Variants in TDRD6 observed in about 807,000 individuals in gnomAD.
The protein encoded by TDRD6 is tudor domain-containing protein 6.
Under a neutral mutation model 157.5 loss-of-function variants are expected in TDRD6, and 186 were observed. That is an observed-to-expected ratio of 1.18 (90% CI 1.05 to 1.33). TDRD6 has a LOEUF of 1.33. TDRD6 is among the 40% of genes most tolerant of loss of function. The pLI is 0.00. For missense variants in TDRD6, 3,066 were observed against 2,508.0 expected (o/e 1.22, Z -4.75); for synonymous variants, 1,075 against 945.2 (o/e 1.14, Z -2.52).
rs142765925 is a variant in TDRD6 at position 46,689,536 on chromosome 6, G to A, written c.1408G>A (p.Asp470Asn). ...SQSQSPAEEV[D>N]EEISLPALRS... ...GTCTCAGTCTCCTGCTGAAGAAGTA[G>A]ATGAAGAGATTTCACTCCCAGCCTT... Residue 470 changes from aspartate (D) to asparagine (N), a missense_variant, in exon 1 of 4, where the codon GAT becomes AAT. Asp to Asn is a conservative substitution (Grantham distance 23). Transcript: ENST00000316081. The A allele has an allele frequency of 1.9e-3, 3,058 of 1,614,094 alleles. 91 individuals carry two copies. The East Asian group carries it at 0.052, about 28-fold the overall frequency.
the TDRD6 span, among the ~76,000 whole-genome samples, chr6:46,680,494 A>C: frequency 6.6e-6 from 1 of 152,146 alleles, no homozygotes; most frequent in Admixed American, 6.5e-5. Flanking sequence ...AGATGGGGAA[A>C]AATTATTCAG....
At position 46,692,211 on chromosome 6, in the gene TDRD6, T is replaced by C. The variant is rs1206224047; in HGVS notation, c.4083T>C (p.Ala1361=). The change falls in exon 1 of 4, where the codon GCT becomes GCC. Residue 1361 remains alanine (A), a synonymous_variant. Transcript: ENST00000316081. ...TGCAAAGAGGAGATATGATATGTGC[T>C]GTTTTCCCAGAAGATAATTTATGGT... ...PPLQRGDMIC[A]VFPEDNLWYR... The C allele has an allele frequency of 3.1e-6, 5 of 1,614,188 alleles. No individual in the cohort carries two copies. The highest frequency in any genetic ancestry group is 4.2e-6 in the Non-Finnish European group (5 of 1,180,000).
intron 2 of TDRD6, among the ~76,000 whole-genome samples, chr6:46,696,555 G>GTATA (rs1764505503): frequency 1.9e-5 from 1 of 52,792 alleles, no homozygotes; most frequent in African/African-American, 9.5e-5. Flanking sequence ...GTATATATGT[G>GTATA]TGTGTGTGTG....
chr6:46,687,745 G>C, upstream of TDRD6: 1 of 194,230 alleles, frequency 5.1e-6, no homozygotes, highest in Non-Finnish European at 1.0e-5. Context: ...TGCAGGTTGT[G>C]TCCAAAACCT....
chr6:46,691,022 C>T lies in TDRD6; in HGVS notation c.2894C>T (p.Pro965Leu), dbSNP rs1554179635. 44 of 1,613,624 alleles carry T rather than the reference C, an allele frequency of 2.7e-5. No homozygotes were observed. Among genetic ancestry groups the T allele is most frequent in the Non-Finnish European group, 3.6e-5 (43 of 1,179,894 alleles). Residue 965 changes from proline (P) to leucine (L), a missense_variant, in exon 1 of 4, where the codon CCT becomes CTT. Pro to Leu is a moderately conservative substitution (Grantham distance 98, BLOSUM62 -3). Coordinates refer to ENST00000316081, the MANE Select transcript of TDRD6 (RefSeq NM_001010870.3). ...GCAAGACCAGTAAAACTTCAGAAGC[C>T]TTTGGAGTCCTCTGTTCAGCTACAT... is the stretch of plus-strand genomic sequence containing the variant. ...RLARPVKLQK[P>L]LESSVQLHSY...
chr6:46,696,519 A>ATG, intron 2 of TDRD6, among the ~76,000 whole-genome samples: 1 of 130,452 alleles, frequency 7.7e-6, no homozygotes, highest in East Asian at 2.2e-4. Context: ...ATGTATATAT[A>ATG]TGTGTGTATA....
rs999503765 is a variant in TDRD6 at position 46,689,776 on chromosome 6, A to G, written c.1648A>G (p.Asn550Asp). 9 of 1,614,108 alleles carry G rather than the reference A, an allele frequency of 5.6e-6. No individual in the cohort carries two copies. The African/African-American group carries it at 1.2e-4, about 22-fold the overall frequency. The change falls in exon 1 of 4, where the codon AAT (asparagine) becomes GAT (aspartate). Residue 550 changes from asparagine (N) to aspartate (D), a missense_variant. Coordinates refer to ENST00000316081, the MANE Select transcript of TDRD6 (RefSeq NM_001010870.3). Reference sequence around the variant, plus strand: ...CCTTTGCTGTGTCAAGTGGAAAGAAAATGGTTATTATAGGGCCATAGTCAC... The same window carrying G: ...CCTTTGCTGTGTCAAGTGGAAAGAAGATGGTTATTATAGGGCCATAGTCAC... ...DDLCCVKWKENGYYRAIVTKL... is the reference protein window; with the variant it reads ...DDLCCVKWKEDGYYRAIVTKL...
upstream of TDRD6, among the ~76,000 whole-genome samples, chr6:46,683,472 A>T (rs1417641887): frequency 6.6e-6 from 1 of 151,984 alleles, no homozygotes; most frequent in Non-Finnish European, 1.5e-5. Flanking sequence ...TTAGAAAAGA[A>T]AAATATGTGA....
Position 46,693,166 on chromosome 6 carries a change from G to A in TDRD6, c.5038G>A (p.Ala1680Thr), listed in dbSNP as rs775225328. The change falls in exon 1 of 4, where the codon GCA becomes ACA. Residue 1680 changes from alanine (A) to threonine (T), a missense_variant. Ala to Thr is a moderately conservative substitution (Grantham distance 58, BLOSUM62 0). Coordinates refer to ENST00000316081, the MANE Select transcript of TDRD6 (RefSeq NM_001010870.3). The part of the protein sequence containing the change: ...IRRDVCDIPL[A>T]IVDLKSKGKS... ...AAGGGATGTTTGTGATATCCCTTTAGCAATTGTTGACTTGAAAAGCAAAGG... is the reference window on the plus strand; with the variant it reads ...AAGGGATGTTTGTGATATCCCTTTAACAATTGTTGACTTGAAAAGCAAAGG... 6.2e-7 allele frequency: 1 copy of A among 1,609,294 alleles called. No individual in the cohort carries two copies. Among genetic ancestry groups the A allele is most frequent in the Non-Finnish European group, 8.5e-7 (1 of 1,178,142 alleles).
At chr6:46,681,523 A>G in the TDRD6 span, 1 of 470,756 alleles carries the variant, frequency 2.1e-6, no homozygotes, top group African/African-American at 2.0e-5. Context: ...TTTACCCCCA[A>G]CAGGCTGCTG....
rs1452448137 is a variant in TDRD6 at position 46,688,315 on chromosome 6, G to C, written c.187G>C (p.Gly63Arg). 6.6e-7 allele frequency: 1 copy of C among 1,519,342 alleles called. No individual in the cohort carries two copies. 94.1% of individuals were successfully genotyped at this position (1,519,342 alleles called of 1,614,324 possible). The change falls in exon 1 of 4, where the codon GGC (glycine) becomes CGC (arginine). Residue 63 changes from glycine to arginine, a missense_variant. By Grantham distance (125) the Gly-to-Arg change is moderately radical. Coordinates refer to ENST00000316081, the MANE Select transcript of TDRD6 (RefSeq NM_001010870.3). ...GGCCACGCGCGGCCAGTGGGCGCTG[G>C]GCAGCGCCTCGGCCTCGCCCGGCGA... ...AAATRGQWAL[G>R]SASASPGELC...
rs1764170454 is a variant in TDRD6, at chr6:46,688,313, T to C, written c.185T>C (p.Leu62Pro). ...EAAATRGQWA[L>P]GSASASPGEL... Reference sequence around the variant, plus strand: ...GCGGCCACGCGCGGCCAGTGGGCGCTGGGCAGCGCCTCGGCCTCGCCCGGC... The same window carrying C: ...GCGGCCACGCGCGGCCAGTGGGCGCCGGGCAGCGCCTCGGCCTCGCCCGGC... Residue 62 changes from leucine to proline, a missense_variant, in exon 1 of 4, where the codon CTG becomes CCG. By Grantham distance (98) the Leu-to-Pro change is moderately conservative (BLOSUM62 -3). Transcript: ENST00000316081. 1 of 1,515,824 alleles carries C rather than the reference T, an allele frequency of 6.6e-7. No homozygotes were observed. The highest frequency in any genetic ancestry group is 8.8e-7 in the Non-Finnish European group (1 of 1,137,950). 93.9% of individuals were successfully genotyped at this position (1,515,824 alleles called of 1,614,324 possible).
chr6:46,700,899 T>C, intron 3 of TDRD6: 1 of 305,598 alleles, frequency 3.3e-6, no homozygotes. Context: ...CATTTTGTTG[T>C]TTACATCTTT....
chr6:46,698,088 G>T lies in TDRD6; in HGVS notation c.6261+1G>T, dbSNP rs777056632. 3.1e-6 allele frequency: 5 copies of T among 1,590,732 alleles called. No homozygotes were observed. The highest frequency in any genetic ancestry group is 2.7e-5 in the African/African-American group (2 of 74,468). ...CAAATTGGATAAGAGTCCACCTGAG[G>T]TATGGAATTCTATAAATAGTAATTA... is the stretch of plus-strand genomic sequence containing the variant. On this transcript the variant is annotated splice_donor_variant, in intron 3 of 3. Coordinates refer to ENST00000316081, the MANE Select transcript of TDRD6 (RefSeq NM_001010870.3). LOFTEE classifies it high-confidence loss of function.
At chr6:46,700,072 TA>T (rs1764583837) in intron 3 of TDRD6, among the ~76,000 whole-genome samples, 1 of 152,238 alleles carries the variant, frequency 6.6e-6, no homozygotes, top group African/African-American at 2.4e-5. Flanking sequence ...CAGTATTTAC[TA>T]AAACTTTTTA....
In TDRD6 at chr6:46,690,016, G is replaced by C; in HGVS notation, c.1888G>C (p.Val630Leu). Residue 630 changes from valine (V) to leucine (L), a missense_variant, in exon 1 of 4, where the codon GTC becomes CTC. Val to Leu is a conservative substitution (Grantham distance 32). Coordinates refer to ENST00000316081, the MANE Select transcript of TDRD6 (RefSeq NM_001010870.3). The stretch of plus-strand genomic sequence containing the variant: ...AAAGACTGTGCTCCACAAAGAATTA[G>C]TCATCCATATTCTTGATAAACAGGA... ...FKKTVLHKEL[V>L]IHILDKQDHQ... 2 of 1,613,800 alleles carry C rather than the reference G, an allele frequency of 1.2e-6. No homozygotes were observed. The highest frequency in any genetic ancestry group is 1.7e-6 in the Non-Finnish European group (2 of 1,179,886).
At chr6:46,681,939 G>T in the TDRD6 span, among the ~76,000 whole-genome samples, 2 of 151,936 alleles carry the variant, frequency 1.3e-5, no homozygotes, top group Non-Finnish European at 2.9e-5. Flanking sequence ...TACAGTTTCA[G>T]TTTGGGATGA....
chr6:46,691,690 A>G lies in TDRD6; in HGVS notation c.3562A>G (p.Lys1188Glu). 6.2e-7 allele frequency: 1 copy of G among 1,611,942 alleles called. No individual in the cohort carries two copies. The highest frequency in any genetic ancestry group is 8.5e-7 in the Non-Finnish European group (1 of 1,179,396). Residue 1188 changes from lysine (K) to glutamate (E), a missense_variant, in exon 1 of 4, where the codon AAG (lysine) becomes GAG (glutamate). Lys to Glu is a moderately conservative substitution (Grantham distance 56). Transcript: ENST00000316081. Reference sequence around the variant, plus strand: ...TCTTGAAGAAAAAAATGAGAATATGAAGTTGCCATGTACAGAGTATTTAAG... The same window carrying G: ...TCTTGAAGAAAAAAATGAGAATATGGAGTTGCCATGTACAGAGTATTTAAG... Reference protein sequence around the residue: ...ETLEEKNENMKLPCTEYLSKS... With the variant: ...ETLEEKNENMELPCTEYLSKS...
rs760301677 is a variant in TDRD6 at position 46,689,799 on chromosome 6, C to T, written c.1671C>T (p.Val557=). The T allele has an allele frequency of 6.2e-7, 1 of 1,614,188 alleles. No homozygotes were observed. Among genetic ancestry groups the T allele is most frequent in the Admixed American group, 1.7e-5 (1 of 60,032 alleles). The change falls in exon 1 of 4, where the codon GTC becomes GTT. Residue 557 remains valine, a synonymous_variant. Coordinates refer to ENST00000316081, the MANE Select transcript of TDRD6 (RefSeq NM_001010870.3). ...AAAATGGTTATTATAGGGCCATAGTCACCAAATTGGATGACAAGAGTGTGG... is the reference window on the plus strand; with the variant it reads ...AAAATGGTTATTATAGGGCCATAGTTACCAAATTGGATGACAAGAGTGTGG... ...WKENGYYRAI[V]TKLDDKSVDV... is the part of the protein sequence containing the mutation.
Sources: gnomAD v4.1 joint callset for allele counts (sites outside exome capture counted in the v4.1 genomes callset) on GRCh38, gnomAD v4.1.1 for gene constraint, MANE v1.5 for transcripts, NCBI Gene and HGNC (gene_info 2026-07-23, HGNC 2026-07-21) for gene names.